Variants in AMBRA1 observed in about 807,000 individuals in gnomAD.
The protein encoded by AMBRA1 is activating molecule in BECN1-regulated autophagy protein 1.
In AMBRA1, 47 loss-of-function variants were observed where a neutral mutation model predicts 125.4. That is an observed-to-expected ratio of 0.37 (90% CI 0.30 to 0.48). The LOEUF (loss-of-function observed/expected upper bound fraction) is 0.48, where lower values mean the gene tolerates loss of function less well. Ranked by LOEUF, AMBRA1 falls within the 20% of genes least tolerant of loss-of-function variation. The probability of loss-of-function intolerance (pLI) is 0.99; values close to 1 mark genes in which losing one functional copy is unlikely to be tolerated. For synonymous variants in AMBRA1, 626 were observed against 655.5 expected (o/e 0.95, Z 0.69); for missense variants, 1,331 against 1,693.4 (o/e 0.79, Z 3.76).
At chr11:46,434,098 A>G (rs1947588905) in intron 13 of AMBRA1, among the ~76,000 whole-genome samples, 2 of 145,640 alleles carry the variant, frequency 1.4e-5, no homozygotes, top group Admixed American at 1.4e-4. Context: ...CTGGCCAACA[A>G]GAGTGAAACT....
intron 5 of AMBRA1, 25 bp downstream of exon 5, chr11:46,545,579 A>C: frequency 6.2e-7 from 1 of 1,610,578 alleles, no homozygotes; most frequent in Non-Finnish European, 8.5e-7. Context: ...TGTGCCAGAC[A>C]ATGCAGATGG....
At chr11:46,540,127 C>T (rs564382518) in intron 7 of AMBRA1, among the ~76,000 whole-genome samples, 36 of 152,262 alleles carry the variant, frequency 2.4e-4, no homozygotes, top group African/African-American at 6.7e-4. Flanking sequence ...CCACCGTGCC[C>T]GGCAGTAACT....
At chr11:46,493,741 TA>T in intron 10 of AMBRA1, 33 bp from the exon 11 acceptor site, 1 of 1,538,786 alleles carries the variant, frequency 6.5e-7, no homozygotes, top group Non-Finnish European at 8.8e-7. Flanking sequence ...AAAAGCTGAC[TA>T]AAGACTACCA....
At chr11:46,507,199 G>T (rs1285636392) in intron 9 of AMBRA1, among the ~76,000 whole-genome samples, 1 of 138,094 alleles carries the variant, frequency 7.2e-6, no homozygotes, top group African/African-American at 3.0e-5. Flanking sequence ...AAAAAAAAAG[G>T]CTTGGCACGG....
chr11:46,456,946 C>T (rs545382464), intron 11 of AMBRA1, among the ~76,000 whole-genome samples: 11 of 152,264 alleles, frequency 7.2e-5, no homozygotes, highest in African/African-American at 2.6e-4. Flanking sequence ...AGAGTTAAAG[C>T]AAGAAAATAA....
intron 12 of AMBRA1, among the ~76,000 whole-genome samples, chr11:46,441,463 C>G (rs1447328916): frequency 6.6e-6 from 1 of 151,858 alleles, no homozygotes; most frequent in Non-Finnish European, 1.5e-5. Flanking sequence ...TGCAGTACAC[C>G]GAGATCATGC....
intron 11 of AMBRA1, among the ~76,000 whole-genome samples, chr11:46,453,235 C>A (rs561807728): frequency 6.6e-6 from 1 of 152,164 alleles, no homozygotes; most frequent in East Asian, 1.9e-4. Flanking sequence ...AGTTTATCCA[C>A]GCTTATTGCA....
rs1158584653 is a variant in AMBRA1 at position 46,397,571 on chromosome 11, G to A, written c.3776C>T (p.Ser1259Phe). ...GGTTGGTCCCTCAGCGCTGGGAAGGGAAACAGGAATGGGGACAGGGGAGGA... is the reference window on the plus strand; with the variant it reads ...GGTTGGTCCCTCAGCGCTGGGAAGGAAAACAGGAATGGGGACAGGGGAGGA... ...PSSSPVPIPV[S>F]LPSAEGPTLH... The change falls in exon 18 of 18, where the codon TCC (serine) becomes TTC (phenylalanine). Residue 1259 changes from serine to phenylalanine, a missense_variant. Coordinates refer to ENST00000683756, the MANE Select transcript of AMBRA1 (RefSeq NM_001387011.1). 6.3e-7 allele frequency: 1 copy of A among 1,581,388 alleles called. No homozygotes were observed. Among genetic ancestry groups the A allele is most frequent in the Non-Finnish European group, 8.6e-7 (1 of 1,161,412 alleles).
intron 1 of AMBRA1, among the ~76,000 whole-genome samples, chr11:46,552,128 G>T (rs1184600113): frequency 6.6e-6 from 1 of 151,522 alleles, no homozygotes; most frequent in Non-Finnish European, 1.5e-5. Context: ...CAGCACTTTG[G>T]AAGGCCGAGG....
intron 7 of AMBRA1, among the ~76,000 whole-genome samples, chr11:46,520,923 T>C (rs558772652): frequency 5.9e-5 from 9 of 152,232 alleles, no homozygotes; most frequent in Non-Finnish European, 1.3e-4. Context: ...ATTTTGTACC[T>C]CTCTTAAGAG....
rs149860106 is a variant in AMBRA1, at chr11:46,545,325, G to A, written c.551+279C>T. On this transcript the variant is annotated intron_variant, in intron 5 of 17. Coordinates refer to ENST00000683756, the MANE Select transcript of AMBRA1 (RefSeq NM_001387011.1). The stretch of plus-strand genomic sequence containing the variant: ...AAATACAAAAAAATGAGCCGGGCAT[G>A]GTGGTGGGTGCCTGCAATCCCAGCT... Among the ~76,000 whole-genome samples the A allele has an allele frequency of 4.7e-3, 714 of 152,056 alleles. 7 individuals are homozygous for A. Among genetic ancestry groups the A allele is most frequent in the African/African-American group, 0.017 (686 of 41,458 alleles).
chr11:46,401,334 G>A (rs565464927), intron 17 of AMBRA1, among the ~76,000 whole-genome samples: 9 of 152,270 alleles, frequency 5.9e-5, no homozygotes, highest in East Asian at 1.9e-4. Flanking sequence ...TCCACTTCCC[G>A]GGTTCATGCA....
intron 11 of AMBRA1, among the ~76,000 whole-genome samples, chr11:46,489,496 A>G (rs1950391136): frequency 6.6e-6 from 1 of 152,216 alleles, no homozygotes; most frequent in South Asian, 2.1e-4. Flanking sequence ...AAGAGAAATT[A>G]GGATAACTGG....
intron 12 of AMBRA1, 90 bp downstream of exon 12, chr11:46,443,397 AT>A: frequency 1.0e-6 from 1 of 993,040 alleles, no homozygotes; most frequent in South Asian, 1.4e-5. Flanking sequence ...CAATAGGATG[AT>A]GAAAAACCCA....
At chr11:46,474,511 C>A (rs534165376) in intron 11 of AMBRA1, among the ~76,000 whole-genome samples, 1 of 152,260 alleles carries the variant, frequency 6.6e-6, no homozygotes, top group East Asian at 1.9e-4. Context: ...GCCTCAGCCT[C>A]CCGAGTAGCT....
chr11:46,429,655 G>C lies in AMBRA1; in HGVS notation c.2976+3819C>G, dbSNP rs80056236. On this transcript the variant is annotated intron_variant, in intron 14 of 17. Coordinates refer to ENST00000683756, the MANE Select transcript of AMBRA1 (RefSeq NM_001387011.1). ...TCTTTCTGGTTTCATCAGTAATTTT[G>C]TATTTTTGTTATTATGCTTTCACTT... Among the ~76,000 whole-genome samples the C allele has an allele frequency of 6.4e-4, 97 of 152,116 alleles. No individual in the cohort carries two copies. In the East Asian group the frequency reaches 0.014, roughly 21 times the overall value.
At chr11:46,579,227 G>A (rs1263894399) in intron 1 of AMBRA1, among the ~76,000 whole-genome samples, 1 of 152,118 alleles carries the variant, frequency 6.6e-6, no homozygotes. Context: ...GGAGGCTGAG[G>A]CAGGAGTATC....
intron 14 of AMBRA1, among the ~76,000 whole-genome samples, chr11:46,425,500 T>G (rs774674353): frequency 1.4e-4 from 21 of 152,204 alleles, no homozygotes; most frequent in Non-Finnish European, 2.4e-4. Flanking sequence ...TCATCATGTC[T>G]CAGTGCTGGA....
rs762554577 is a variant in AMBRA1, at chr11:46,433,594, C to T, written c.2856G>A (p.Met952Ile). 1.2e-6 allele frequency: 2 copies of T among 1,614,058 alleles called. No individual in the cohort carries two copies. The highest frequency in any genetic ancestry group is 1.7e-6 in the Non-Finnish European group (2 of 1,179,940). Residue 952 changes from methionine to isoleucine, a missense_variant, in exon 14 of 18, where the codon ATG (methionine) becomes ATA (isoleucine). Physicochemically the swap from Met to Ile is conservative, Grantham distance 10. Around this residue, in one of 4 missense-constraint regions of AMBRA1, gnomAD observed 354 missense variants for 532.7 expected, o/e 0.66. Coordinates refer to ENST00000683756, the MANE Select transcript of AMBRA1 (RefSeq NM_001387011.1). ...PNAISVSLSP[M>I]GRYVMVGLAS... ...CCAAGCCCACCATTACATATCTGCC[C>T]ATTGGGGACAGGCTCACCGAAATGG...
Sources: allele counts gnomAD v4.1 joint callset (sites outside exome capture counted in the v4.1 genomes callset), GRCh38; gene constraint gnomAD v4.1.1; regional missense constraint gnomAD v4.1.1; transcripts MANE v1.5; gene names NCBI Gene and HGNC (gene_info 2026-07-23, HGNC 2026-07-21).